CHST8: variants seen among roughly 807,000 people sequenced by gnomAD.
CHST8 encodes the protein carbohydrate sulfotransferase 8, also known as GALNAC-4-ST1.
A neutral mutation model predicts 15.0 loss-of-function variants in CHST8; 10 were observed. That is an observed-to-expected ratio of 0.67 (90% CI 0.41 to 1.13). The LOEUF (loss-of-function observed/expected upper bound fraction) is 1.13, where lower values mean the gene tolerates loss of function less well. CHST8 is among the 50% of genes most tolerant of loss of function. The pLI, the probability that CHST8 is intolerant of heterozygous loss-of-function variation, is 0.00. For synonymous variants in CHST8, 259 were observed against 256.6 expected (o/e 1.01, Z -0.09); for missense variants, 634 against 608.2 (o/e 1.04, Z -0.45).
intron 1 of CHST8, among the ~76,000 whole-genome samples, chr19:33,657,027 A>G (rs1972516985): frequency 6.6e-6 from 1 of 151,800 alleles, no homozygotes; most frequent in Non-Finnish European, 1.5e-5. Context: ...TTCAGGTCTC[A>G]TTGCTTGGTT....
chr19:33,626,861 T>C (rs1972060739), intron 1 of CHST8, among the ~76,000 whole-genome samples: 1 of 147,530 alleles, frequency 6.8e-6, no homozygotes, highest in African/African-American at 2.5e-5. Context: ...CTATCATAAC[T>C]CACTGCAGCC....
chr19:33,645,391 A>G (rs982693408), intron 1 of CHST8, among the ~76,000 whole-genome samples: 2 of 152,222 alleles, frequency 1.3e-5, no homozygotes, highest in Non-Finnish European at 2.9e-5. Context: ...TGTTGCTGCC[A>G]TGGTAAGGGG....
At position 33,755,336 on chromosome 19, in the gene CHST8, C is replaced by T. The variant is rs562825964; in HGVS notation, c.131-16077C>T. ...AAACAGAAAACATGCTAGCAGCCGT[C>T]GTAAGCATCCCCCATGTGATTTATT... On this transcript the variant is annotated intron_variant, in intron 3 of 4. Transcript: ENST00000650847. Among the ~76,000 whole-genome samples the T allele has an allele frequency of 4.6e-5, 7 of 152,310 alleles. No homozygotes were observed. In the South Asian group the frequency reaches 1.2e-3, roughly 27 times the overall value.
chr19:33,739,266 C>G (rs58630991), intron 3 of CHST8, among the ~76,000 whole-genome samples: 2,808 of 152,250 alleles, frequency 0.018, 77 homozygotes, highest in African/African-American at 0.063. Flanking sequence ...CTCTCTCCCC[C>G]CTCCTCCACA....
At chr19:33,766,812 T>C (rs751088276) in intron 3 of CHST8, among the ~76,000 whole-genome samples, 72 of 152,290 alleles carry the variant, frequency 4.7e-4, no homozygotes, top group Non-Finnish European at 8.5e-4. Context: ...GAAGTGGACG[T>C]GGAGTGGACA....
At chr19:33,694,113 TATATATATATATATATAA>T (rs1973154182) in intron 3 of CHST8, among the ~76,000 whole-genome samples, 1 of 75,164 alleles carries the variant, frequency 1.3e-5, no homozygotes, top group East Asian at 4.7e-4. Context: ...TATATATATA[TATATATATATATATATAA>T]ATGCAATGTT....
intron 3 of CHST8, among the ~76,000 whole-genome samples, chr19:33,759,278 C>A (rs1974668658): frequency 1.3e-5 from 2 of 152,364 alleles, no homozygotes; most frequent in African/African-American, 4.8e-5. Flanking sequence ...TTGCTGGTAA[C>A]CCCACAATGG....
intron 3 of CHST8, among the ~76,000 whole-genome samples, chr19:33,763,261 C>G (rs576766504): frequency 6.6e-6 from 1 of 152,326 alleles, no homozygotes; most frequent in East Asian, 1.9e-4. Flanking sequence ...GGGAGTAAGC[C>G]TTTGCTCTGG....
At chr19:33,631,039 A>G (rs1972115187) in intron 1 of CHST8, among the ~76,000 whole-genome samples, 1 of 152,136 alleles carries the variant, frequency 6.6e-6, no homozygotes, top group South Asian at 2.1e-4. Flanking sequence ...CAGTCTGTCT[A>G]CACTAGTTGG....
Position 33,689,345 on chromosome 19 carries a change from C to T in CHST8, c.84C>T (p.Phe28=), listed in dbSNP as rs773699743. The change falls in exon 3 of 5, where the codon TTC becomes TTT. Residue 28 remains phenylalanine (F), a synonymous_variant. Transcript: ENST00000650847. ...LLFGAAGLLL[F]ISLQDPTELA... Reference sequence around the variant, plus strand: ...TCGGAGCTGCAGGCCTCCTCCTCTTCATCAGCCTGCAGGACCCTACGGAGC... The same window carrying T: ...TCGGAGCTGCAGGCCTCCTCCTCTTTATCAGCCTGCAGGACCCTACGGAGC... 6.2e-7 allele frequency: 1 copy of T among 1,609,200 alleles called. No individual in the cohort carries two copies. Among genetic ancestry groups the T allele is most frequent in the Non-Finnish European group, 8.5e-7 (1 of 1,178,784 alleles).
Position 33,705,453 on chromosome 19 carries a change from G to A in CHST8, c.130+16062G>A, listed in dbSNP as rs536969985. On this transcript the variant is annotated intron_variant, in intron 3 of 4. Coordinates refer to ENST00000650847, the MANE Select transcript of CHST8 (RefSeq NM_001127895.2). ...GCCAGAGAGTGGGGTTCTGGGGAGC[G>A]CACCTAATTAAAACCTCCTTCATTT... Among the ~76,000 whole-genome samples the A allele has an allele frequency of 5.5e-4, 84 of 152,170 alleles. 3 individuals are homozygous for A. The highest frequency in any genetic ancestry group is 1.3e-4 in the Admixed American group (2 of 15,282).
chr19:33,627,740 T>C (rs1289891360), intron 1 of CHST8, among the ~76,000 whole-genome samples: 1 of 152,200 alleles, frequency 6.6e-6, no homozygotes, highest in Non-Finnish European at 1.5e-5. Context: ...CCCACACTCC[T>C]GGTGCCAGGC....
At chr19:33,632,729 G>A (rs2145437835) in intron 1 of CHST8, among the ~76,000 whole-genome samples, 1 of 149,968 alleles carries the variant, frequency 6.7e-6, no homozygotes. Context: ...TACTTCTAAC[G>A]ATATGGATTG....
At chr19:33,757,524 G>GAAAGAAAGAAAGAA (rs1568358798) in intron 3 of CHST8, among the ~76,000 whole-genome samples, 1 of 19,236 alleles carries the variant, frequency 5.2e-5, no homozygotes, top group Non-Finnish European at 1.0e-4. Context: ...GAAAGAAAGA[G>GAAAGAAAGAAAGAA]AAAGAAAGAA....
intron 3 of CHST8, among the ~76,000 whole-genome samples, chr19:33,719,667 C>T (rs1330952362): frequency 6.6e-6 from 1 of 151,808 alleles, no homozygotes; most frequent in Non-Finnish European, 1.5e-5. Flanking sequence ...CCCCAGACAC[C>T]CCAGGCTGTC....
At chr19:33,655,130 G>A (rs1397289586) in intron 1 of CHST8, among the ~76,000 whole-genome samples, 3 of 152,182 alleles carry the variant, frequency 2.0e-5, no homozygotes, top group Non-Finnish European at 2.9e-5. Context: ...TCCGCCTCCC[G>A]GGTACAAGCA....
intron 3 of CHST8, among the ~76,000 whole-genome samples, chr19:33,760,437 C>A (rs1974699648): frequency 6.6e-6 from 1 of 151,704 alleles, no homozygotes; most frequent in Non-Finnish European, 1.5e-5. Context: ...CCCACCTTAG[C>A]CTTCTGAGCA....
chr19:33,623,545 C>G (rs546277688), intron 1 of CHST8, among the ~76,000 whole-genome samples: 59 of 152,288 alleles, frequency 3.9e-4, no homozygotes, highest in African/African-American at 1.3e-3. Flanking sequence ...TATTTCCCAC[C>G]GCCGCCCAAG....
At chr19:33,719,293 G>T (rs370776353) in intron 3 of CHST8, among the ~76,000 whole-genome samples, 340 of 152,344 alleles carry the variant, frequency 2.2e-3, no homozygotes, top group Middle Eastern at 0.017. Context: ...GGATCAAGTG[G>T]CTCTGGTGTC....
Sources: allele counts gnomAD v4.1 joint callset (sites outside exome capture counted in the v4.1 genomes callset), GRCh38; gene constraint gnomAD v4.1.1; transcripts MANE v1.5; gene names NCBI Gene and HGNC (gene_info 2026-07-23, HGNC 2026-07-21).